Variants in IL17A observed in about 807,000 individuals in gnomAD.
IL17A encodes interleukin-17A.
A neutral mutation model predicts 7.2 loss-of-function variants in IL17A; 1 was observed. The observed-to-expected ratio is 0.14, with a 90% CI of 0.05 to 0.66. The LOEUF (loss-of-function observed/expected upper bound fraction) is 0.66. Among genes scored for constraint, IL17A ranks in the 30% least tolerant of loss-of-function variants. The pLI, the probability that IL17A is intolerant of heterozygous loss-of-function variation, is 0.84. For missense variants in IL17A, 191 were observed against 197.1 expected (o/e 0.97, Z 0.18); for synonymous variants, 90 against 77.7 (o/e 1.16, Z -0.83).
chr6:52,187,781 G>A lies in IL17A; in HGVS notation c.206G>A (p.Arg69Gln), dbSNP rs747814163. 11 of 1,613,920 alleles carry A rather than the reference G, an allele frequency of 6.8e-6. No individual in the cohort carries two copies. The Admixed American group carries it at 8.3e-5, about 12-fold the overall frequency. The change falls in exon 2 of 3, where the codon CGA (arginine) becomes CAA (glutamine). Residue 69 changes from arginine to glutamine, a missense_variant. Transcript: ENST00000648244. ...NPKRSSDYYN[R>Q]STSPWNLHRN... ...AAAAGGTCCTCAGATTACTACAACC[G>A]ATCCACCTCACCTTGGAATCTCCAG...
rs1763341697 is a variant in IL17A, at chr6:52,189,544, C to T, written c.*252C>T. The stretch of plus-strand genomic sequence containing the variant: ...TGCTTCTTGTTTACTTTTTTAAGGG[C>T]TTTAAGTTATTTATGTATTTAATAT... On this transcript the variant is annotated 3_prime_UTR_variant, in exon 3 of 3. Coordinates refer to ENST00000648244, the MANE Select transcript of IL17A (RefSeq NM_002190.3). The T allele has an allele frequency of 5.0e-6, 2 of 396,274 alleles. No homozygotes were observed. Among genetic ancestry groups the T allele is most frequent in the Non-Finnish European group, 8.9e-6 (2 of 223,782 alleles). 24.5% of individuals were successfully genotyped at this position (396,274 alleles called of 1,614,324 possible). A position where few individuals can be genotyped will look rare whatever the true frequency, so the allele number is the denominator to read the frequency against.
chr6:52,187,335 A>G lies in IL17A; in HGVS notation c.28-268A>G, dbSNP rs561658898. Among the ~76,000 whole-genome samples, 3 of 152,328 alleles carry G rather than the reference A, an allele frequency of 2.0e-5. No homozygotes were observed. The East Asian group carries it at 5.8e-4, about 29-fold the overall frequency. The stretch of plus-strand genomic sequence containing the variant: ...TGACATTTTTATTAAAATTATTGCC[A>G]ACCAATGGATAACATGTCTTTCCTA... On this transcript the variant is annotated intron_variant, in intron 1 of 2. Coordinates refer to ENST00000648244, the MANE Select transcript of IL17A (RefSeq NM_002190.3).
At chr6:52,188,342 C>G (rs2128261708) in intron 2 of IL17A, among the ~76,000 whole-genome samples, 1 of 152,210 alleles carries the variant, frequency 6.6e-6, no homozygotes, top group East Asian at 1.9e-4. Flanking sequence ...TTAGTATACC[C>G]AGTATTTAGA....
intron 1 of IL17A, among the ~76,000 whole-genome samples, chr6:52,186,944 G>T (rs990445523): frequency 3.9e-5 from 6 of 152,002 alleles, no homozygotes; most frequent in Non-Finnish European, 7.4e-5. Flanking sequence ...AATAAGTGGG[G>T]TTTATATTTT....
intron 2 of IL17A, 53 bp downstream of exon 2, chr6:52,187,858 C>G (rs1355919775): frequency 1.5e-6 from 2 of 1,376,606 alleles, no homozygotes; most frequent in Non-Finnish European, 2.1e-6. Context: ...TCTTATGCAT[C>G]AGACTGCCAG....
intron 2 of IL17A, among the ~76,000 whole-genome samples, chr6:52,188,717 C>T (rs936076449): frequency 2.6e-5 from 4 of 152,022 alleles, no homozygotes; most frequent in Non-Finnish European, 5.9e-5. Flanking sequence ...TCTACTCTTC[C>T]TTTGGTCTTC....
At position 52,187,723 on chromosome 6, in the gene IL17A, A is replaced by T; in HGVS notation, c.148A>T (p.Asn50Tyr). The T allele has an allele frequency of 6.2e-7, 1 of 1,614,112 alleles. No homozygotes were observed. The highest frequency in any genetic ancestry group is 8.5e-7 in the Non-Finnish European group (1 of 1,179,966). ...CCCCCGGACTGTGATGGTCAACCTG[A>T]ACATCCATAACCGGAATACCAATAC... is the stretch of plus-strand genomic sequence containing the variant. Reference protein sequence around the residue: ...NFPRTVMVNLNIHNRNTNTNP... With the variant: ...NFPRTVMVNLYIHNRNTNTNP... Residue 50 changes from asparagine to tyrosine, a missense_variant, in exon 2 of 3, where the codon AAC (asparagine) becomes TAC (tyrosine). By Grantham distance (143) the Asn-to-Tyr change is moderately radical. Transcript: ENST00000648244.
At chr6:52,187,912 T>G in intron 2 of IL17A, 107 bp downstream of exon 2, 2 of 1,002,782 alleles carry the variant, frequency 2.0e-6, no homozygotes, top group Non-Finnish European at 3.1e-6. Flanking sequence ...GAATTACCAG[T>G]CAAACCTGGA....
Position 52,189,041 on chromosome 6 carries a change from T to C in IL17A, c.231-14T>C, listed in dbSNP as rs745619543. The C allele has an allele frequency of 2.5e-5, 40 of 1,587,664 alleles. No individual in the cohort carries two copies. Among genetic ancestry groups the C allele is most frequent in the Non-Finnish European group, 3.5e-5 (40 of 1,157,240 alleles). Reference sequence around the variant, plus strand: ...AGGAATTCACTTTCCTCCTGATTTTTCTCCCCTCTGCAGCCGCAATGAGGA... The same window carrying C: ...AGGAATTCACTTTCCTCCTGATTTTCCTCCCCTCTGCAGCCGCAATGAGGA... On this transcript the variant is annotated splice_polypyrimidine_tract_variant and intron_variant, in intron 2 of 2. Coordinates refer to ENST00000648244, the MANE Select transcript of IL17A (RefSeq NM_002190.3).
At position 52,189,057 on chromosome 6, in the gene IL17A, G is replaced by C. The variant is rs760902102; in HGVS notation, c.233G>C (p.Arg78Pro). 6.2e-7 allele frequency: 1 copy of C among 1,607,582 alleles called. No homozygotes were observed. Among genetic ancestry groups the C allele is most frequent in the Admixed American group, 1.7e-5 (1 of 59,936 alleles). Reference protein sequence around the residue: ...NRSTSPWNLHRNEDPERYPSV... With the variant: ...NRSTSPWNLHPNEDPERYPSV... ...CCTGATTTTTCTCCCCTCTGCAGCCGCAATGAGGACCCTGAGAGATATCCC... is the reference window on the plus strand; with the variant it reads ...CCTGATTTTTCTCCCCTCTGCAGCCCCAATGAGGACCCTGAGAGATATCCC... Residue 78 changes from arginine to proline, a missense_variant and splice_region_variant, in exon 3 of 3, where the codon CGC becomes CCC. Arg to Pro is a moderately radical substitution (Grantham distance 103). Coordinates refer to ENST00000648244, the MANE Select transcript of IL17A (RefSeq NM_002190.3).
Position 52,189,509 on chromosome 6 carries a change from A to C in IL17A, c.*217A>C, listed in dbSNP as rs557766068. 1 of 467,994 alleles carries C rather than the reference A, an allele frequency of 2.1e-6. No individual in the cohort carries two copies. Among genetic ancestry groups the C allele is most frequent in the African/African-American group, 2.0e-5 (1 of 50,982 alleles). The allele number at this position is 467,994 out of a possible 1,614,324, so 29.0% of individuals were successfully genotyped here. On this transcript the variant is annotated 3_prime_UTR_variant, in exon 3 of 3. Coordinates refer to ENST00000648244, the MANE Select transcript of IL17A (RefSeq NM_002190.3). Reference sequence around the variant, plus strand: ...CTTTCCAAGAAGGAAGGTTTGACTGAGTACCAATTTGCTTCTTGTTTACTT... The same window carrying C: ...CTTTCCAAGAAGGAAGGTTTGACTGCGTACCAATTTGCTTCTTGTTTACTT...
intron 2 of IL17A, 100 bp downstream of exon 2, chr6:52,187,905 TTACCAGTCAAACCTGGAAG>T: frequency 9.4e-7 from 1 of 1,064,370 alleles, no homozygotes; most frequent in Non-Finnish European, 1.4e-6. Flanking sequence ...TCATTTAGAA[TTACCAGTCAAACCTGGAAG>T]GACCACTGTG....
intron 1 of IL17A, 65 bp from the exon 2 acceptor site, chr6:52,187,538 T>C (rs1314500884): frequency 4.0e-6 from 5 of 1,247,366 alleles, no homozygotes; most frequent in Non-Finnish European, 5.9e-6. Flanking sequence ...CACAATTAAT[T>C]TGTCAAAAAG....
rs1303654427 is a variant in IL17A at position 52,189,984 on chromosome 6, C to A, written c.*692C>A. 6.6e-6 allele frequency: 1 copy of A among 152,134 alleles called. No homozygotes were observed. Among genetic ancestry groups the A allele is most frequent in the Non-Finnish European group, 1.5e-5 (1 of 68,010 alleles). 9.4% of individuals were successfully genotyped at this position (152,134 alleles called of 1,614,324 possible). Reference sequence around the variant, plus strand: ...AAGTCTAACTCTCTGTTCCATTAAACCCTTATAATAAAATCCTTCTGTAAT... The same window carrying A: ...AAGTCTAACTCTCTGTTCCATTAAAACCTTATAATAAAATCCTTCTGTAAT... On this transcript the variant is annotated 3_prime_UTR_variant, in exon 3 of 3. Coordinates refer to ENST00000648244, the MANE Select transcript of IL17A (RefSeq NM_002190.3).
At chr6:52,187,127 C>T (rs887217073) in intron 1 of IL17A, among the ~76,000 whole-genome samples, 1 of 152,098 alleles carries the variant, frequency 6.6e-6, no homozygotes, top group African/African-American at 2.4e-5. Context: ...ATATTGATAC[C>T]ACATAGATTT....
At position 52,189,197 on chromosome 6, in the gene IL17A, G is replaced by A. The variant is rs1336318401; in HGVS notation, c.373G>A (p.Glu125Lys). The change falls in exon 3 of 3, where the codon GAG becomes AAG. Residue 125 changes from glutamate (E) to lysine (K), a missense_variant. Physicochemically the swap from Glu to Lys is moderately conservative, Grantham distance 56. Coordinates refer to ENST00000648244, the MANE Select transcript of IL17A (RefSeq NM_002190.3). ...GCAAGAGATCCTGGTCCTGCGCAGG[G>A]AGCCTCCACACTGCCCCAACTCCTT... is the stretch of plus-strand genomic sequence containing the variant. ...IQQEILVLRREPPHCPNSFRL... is the reference protein window; with the variant it reads ...IQQEILVLRRKPPHCPNSFRL... 14 of 1,614,008 alleles carry A rather than the reference G, an allele frequency of 8.7e-6. No homozygotes were observed. The highest frequency in any genetic ancestry group is 2.2e-5 in the East Asian group (1 of 44,862).
rs754178712 is a variant in IL17A at position 52,187,735 on chromosome 6, C to T, written c.160C>T (p.Arg54Trp). ...GATGGTCAACCTGAACATCCATAAC[C>T]GGAATACCAATACCAATCCCAAAAG... ...TVMVNLNIHN[R>W]NTNTNPKRSS... is the part of the protein sequence containing the mutation. The change falls in exon 2 of 3, where the codon CGG becomes TGG. Residue 54 changes from arginine (R) to tryptophan (W), a missense_variant. By Grantham distance (101) the Arg-to-Trp change is moderately radical. Transcript: ENST00000648244. The T allele has an allele frequency of 3.7e-6, 6 of 1,614,044 alleles. No homozygotes were observed. Among genetic ancestry groups the T allele is most frequent in the African/African-American group, 2.7e-5 (2 of 75,020 alleles).
intron 2 of IL17A, 103 bp from the exon 3 acceptor site, chr6:52,188,952 A>C (rs988846547): frequency 3.5e-5 from 29 of 836,302 alleles, no homozygotes; most frequent in Non-Finnish European, 5.4e-5. Flanking sequence ...AATGCCTATA[A>C]TTTGTCATCC....
chr6:52,187,201 T>C (rs1401351022), intron 1 of IL17A, among the ~76,000 whole-genome samples: 1 of 152,208 alleles, frequency 6.6e-6, no homozygotes, highest in Non-Finnish European at 1.5e-5. Context: ...AATATGGGAC[T>C]GAGAACAATG....
Sources: gnomAD v4.1 joint callset for allele counts (sites outside exome capture counted in the v4.1 genomes callset) on GRCh38, gnomAD v4.1.1 for gene constraint, MANE v1.5 for transcripts, NCBI Gene and HGNC (gene_info 2026-07-23, HGNC 2026-07-21) for gene names.